SLC39A12: variants seen among roughly 807,000 people sequenced by gnomAD.
SLC39A12 encodes the protein solute carrier family 39 member 12.
Under a neutral mutation model 71.1 loss-of-function variants are expected in SLC39A12, and 63 were observed. The ratio of observed to expected loss-of-function variants is 0.89; its 90% confidence interval spans 0.72 to 1.09. The LOEUF is 1.09. Ranked by LOEUF, SLC39A12 falls within the 50% of genes least tolerant of loss-of-function variation. The pLI is 0.00. For synonymous variants in SLC39A12, 351 were observed against 301.3 expected (o/e 1.16, Z -1.71); for missense variants, 892 against 812.6 (o/e 1.10, Z -1.19).
chr10:17,973,457 G>A (rs1208512839), intron 4 of SLC39A12, among the ~76,000 whole-genome samples: 3 of 152,066 alleles, frequency 2.0e-5, no homozygotes, highest in African/African-American at 2.4e-5. Flanking sequence ...TGCTTGTCTA[G>A]GAAAATCTTT....
At chr10:18,003,120 G>A in intron 11 of SLC39A12, 51 bp from the exon 12 acceptor site, 2 of 1,552,834 alleles carry the variant, frequency 1.3e-6, no homozygotes, top group Non-Finnish European at 1.8e-6. Flanking sequence ...CTTTAGCAAA[G>A]GCGTCTTCCA....
chr10:18,036,746 TTATATATATATATATATATATA>T (rs1195629854), intron 12 of SLC39A12, among the ~76,000 whole-genome samples: 14 of 37,494 alleles, frequency 3.7e-4, no homozygotes, highest in South Asian at 3.0e-3. Context: ...ATTTTAAAAA[TTATATATATATATATATATATA>T]TATATATATA....
chr10:18,030,481 C>T (rs948784625), intron 12 of SLC39A12, among the ~76,000 whole-genome samples: 3 of 151,794 alleles, frequency 2.0e-5, no homozygotes, highest in Non-Finnish European at 2.9e-5. Flanking sequence ...CCTCGTGATC[C>T]GCCTGCCTCG....
chr10:18,012,231 A>G (rs985583687), intron 12 of SLC39A12, among the ~76,000 whole-genome samples: 2 of 152,218 alleles, frequency 1.3e-5, no homozygotes, highest in African/African-American at 4.8e-5. Flanking sequence ...AACCAAAAAA[A>G]TGAATTCCAT....
chr10:18,025,475 C>T (rs1836651114), intron 12 of SLC39A12, among the ~76,000 whole-genome samples: 1 of 152,024 alleles, frequency 6.6e-6, no homozygotes, highest in South Asian at 2.1e-4. Flanking sequence ...CGAGTGAGAA[C>T]ATGCGGTGTT....
chr10:18,022,840 T>G (rs1478129199), intron 12 of SLC39A12, among the ~76,000 whole-genome samples: 1 of 152,216 alleles, frequency 6.6e-6, no homozygotes, highest in Non-Finnish European at 1.5e-5. Flanking sequence ...GCCAAGGCTT[T>G]GTGCAAGTTC....
intron 9 of SLC39A12, among the ~76,000 whole-genome samples, chr10:17,995,243 C>T (rs1835654585): frequency 2.0e-5 from 3 of 152,184 alleles, no homozygotes; most frequent in African/African-American, 7.2e-5. Context: ...ATCCAAAATA[C>T]ATCGACTGCT....
chr10:17,976,963 T>G (rs1282185238), intron 4 of SLC39A12, among the ~76,000 whole-genome samples: 1 of 152,212 alleles, frequency 6.6e-6, no homozygotes, highest in African/African-American at 2.4e-5. Context: ...GTTACAAGTC[T>G]GTGAACACTT....
At chr10:18,006,775 G>A (rs1248584922) in intron 12 of SLC39A12, among the ~76,000 whole-genome samples, 1 of 152,128 alleles carries the variant, frequency 6.6e-6, no homozygotes, top group Non-Finnish European at 1.5e-5. Context: ...TCCACTTCCA[G>A]GTTATACACA....
At chr10:18,035,197 C>A (rs1424720149) in intron 12 of SLC39A12, among the ~76,000 whole-genome samples, 2 of 148,588 alleles carry the variant, frequency 1.3e-5, no homozygotes, top group Non-Finnish European at 3.0e-5. Flanking sequence ...GTTGGCCTGC[C>A]TTGCTAGATT....
chr10:18,031,176 C>G (rs1332345321), intron 12 of SLC39A12, among the ~76,000 whole-genome samples: 2 of 146,334 alleles, frequency 1.4e-5, no homozygotes, highest in Non-Finnish European at 3.0e-5. Flanking sequence ...AATGGGATGG[C>G]TGGGTCAAAT....
chr10:17,989,733 A>G (rs2130823202), intron 7 of SLC39A12, among the ~76,000 whole-genome samples: 1 of 152,334 alleles, frequency 6.6e-6, no homozygotes, highest in African/African-American at 2.4e-5. Flanking sequence ...AGCCTGGCCA[A>G]CATGGTGAAA....
chr10:17,996,016 C>A lies in SLC39A12; in HGVS notation c.1600+294C>A, dbSNP rs980183034. 2.0e-5 allele frequency among the ~76,000 whole-genome samples: 3 copies of A among 152,242 alleles called. No individual in the cohort carries two copies. In the South Asian group the frequency reaches 6.2e-4, roughly 32 times the overall value. On this transcript the variant is annotated intron_variant, in intron 10 of 12. Transcript: ENST00000377369. ...GTAAACACATGTGTGTTTATCATAG[C>A]TCATTTCTAAACATATTTGTGTGAT...
At chr10:17,969,353 G>T (rs1212631987) in intron 4 of SLC39A12, among the ~76,000 whole-genome samples, 5 of 152,058 alleles carry the variant, frequency 3.3e-5, no homozygotes, top group Non-Finnish European at 1.5e-5. Flanking sequence ...TAGTTTTTTT[G>T]AGAAACCTCC....
At chr10:17,964,820 G>A (rs1834781312) in intron 3 of SLC39A12, among the ~76,000 whole-genome samples, 2 of 152,192 alleles carry the variant, frequency 1.3e-5, no homozygotes, top group Non-Finnish European at 2.9e-5. Context: ...TCTCCTGCAG[G>A]TTGCACTTAA....
At chr10:17,960,409 A>G (rs993716098) in intron 2 of SLC39A12, among the ~76,000 whole-genome samples, 1 of 152,176 alleles carries the variant, frequency 6.6e-6, no homozygotes, top group East Asian at 1.9e-4. Context: ...AATATGCTAC[A>G]GTGGCATATT....
intron 10 of SLC39A12, among the ~76,000 whole-genome samples, chr10:17,997,956 G>A (rs920302128): frequency 2.0e-5 from 3 of 152,128 alleles, no homozygotes; most frequent in African/African-American, 4.8e-5. Flanking sequence ...ATTCTGTAAT[G>A]AGTACATTAA....
intron 4 of SLC39A12, among the ~76,000 whole-genome samples, chr10:17,970,923 A>T (rs1055625256): frequency 9.9e-5 from 15 of 152,130 alleles, no homozygotes; most frequent in South Asian, 8.3e-4. Flanking sequence ...ATTCATTATG[A>T]TACTAGCTCT....
At chr10:18,017,347 C>T (rs1836414235) in intron 12 of SLC39A12, among the ~76,000 whole-genome samples, 1 of 152,170 alleles carries the variant, frequency 6.6e-6, no homozygotes, top group Non-Finnish European at 1.5e-5. Flanking sequence ...CTCACTTTGT[C>T]ACCCAGGCTG....
Sources: allele counts gnomAD v4.1 joint callset (sites outside exome capture counted in the v4.1 genomes callset), GRCh38; gene constraint gnomAD v4.1.1; transcripts MANE v1.5; gene names NCBI Gene and HGNC (gene_info 2026-07-23, HGNC 2026-07-21).